Variants in MANBA observed in about 807,000 individuals in gnomAD.
The protein encoded by MANBA is beta-mannosidase.
Under a neutral mutation model 111.1 loss-of-function variants are expected in MANBA, and 83 were observed. The ratio of observed to expected loss-of-function variants is 0.75; its 90% confidence interval spans 0.63 to 0.90. The LOEUF (loss-of-function observed/expected upper bound fraction) is 0.90, where lower values mean the gene tolerates loss of function less well. Among genes scored for constraint, MANBA ranks in the 40% least tolerant of loss-of-function variants. The pLI is 0.00. For synonymous variants in MANBA, 370 were observed against 378.7 expected, an observed-to-expected ratio of 0.98 and a Z score of 0.27; for missense variants, 1,036 against 1,069.0, an observed-to-expected ratio of 0.97 and a Z score of 0.43.
At chr4:102,643,176 C>T (rs1461444140) in intron 13 of MANBA, among the ~76,000 whole-genome samples, 1 of 152,156 alleles carries the variant, frequency 6.6e-6, no homozygotes. Flanking sequence ...CTGGGATTTG[C>T]CTATTCCGGA....
intron 1 of MANBA, among the ~76,000 whole-genome samples, chr4:102,735,511 G>C (rs1239636460): frequency 1.0e-5 from 1 of 98,972 alleles, no homozygotes; most frequent in Non-Finnish European, 2.0e-5. Flanking sequence ...CTCTTACTAA[G>C]AGAAAATACC....
At chr4:102,643,583 T>G (rs868693619) in intron 13 of MANBA, among the ~76,000 whole-genome samples, 15 of 152,192 alleles carry the variant, frequency 9.9e-5, no homozygotes, top group African/African-American at 3.6e-4. Flanking sequence ...TTTTAAAAAT[T>G]TGTAGATATT....
intron 7 of MANBA, among the ~76,000 whole-genome samples, chr4:102,674,936 T>C (rs1488223114): frequency 6.6e-6 from 1 of 152,210 alleles, no homozygotes; most frequent in Non-Finnish European, 1.5e-5. Flanking sequence ...AATAAAAGTG[T>C]CCACCATTCT....
chr4:102,708,254 C>CA (rs1036225776), intron 5 of MANBA, among the ~76,000 whole-genome samples: 4 of 151,842 alleles, frequency 2.6e-5, no homozygotes, highest in Non-Finnish European at 1.5e-5. Flanking sequence ...ATATGTTAGG[C>CA]AAAAAAATGA....
In MANBA at chr4:102,745,449, C is replaced by G. The variant is rs139375092; in HGVS notation, c.177+15269G>C. 5.0e-3 allele frequency among the ~76,000 whole-genome samples: 763 copies of G among 152,260 alleles called. 3 individuals are homozygous for G. The highest frequency in any genetic ancestry group is 6.9e-3 in the Non-Finnish European group (466 of 68,016). On this transcript the variant is annotated intron_variant, in intron 1 of 16. Transcript: ENST00000647097. ...TTCAGAGATGCAGTTGCCGCCATCA[C>G]AAATCCATTTCGCAAAGCGTTGGTC...
intron 1 of MANBA, chr4:102,730,277 T>C: frequency 1.8e-6 from 1 of 556,022 alleles, no homozygotes; most frequent in South Asian, 2.5e-5. Flanking sequence ...ACATATCGTC[T>C]CATGACCGGA....
intron 7 of MANBA, among the ~76,000 whole-genome samples, chr4:102,686,421 A>G (rs909736104): frequency 6.6e-6 from 1 of 152,172 alleles, no homozygotes; most frequent in Non-Finnish European, 1.5e-5. Context: ...TGTGAAGCCA[A>G]TCTGATCCCA....
At chr4:102,669,397 G>A (rs1025198397) in intron 9 of MANBA, among the ~76,000 whole-genome samples, 1 of 152,138 alleles carries the variant, frequency 6.6e-6, no homozygotes, top group African/African-American at 2.4e-5. Flanking sequence ...TTTTCACCAG[G>A]CATTTGGTAT....
intron 5 of MANBA, among the ~76,000 whole-genome samples, chr4:102,703,683 C>G (rs1183029858): frequency 6.6e-6 from 1 of 152,154 alleles, no homozygotes; most frequent in African/African-American, 2.4e-5. Context: ...GTTCTGCCAT[C>G]CCACTCAGGA....
chr4:102,735,299 T>A (rs1003887808), intron 1 of MANBA, among the ~76,000 whole-genome samples: 18 of 152,026 alleles, frequency 1.2e-4, no homozygotes, highest in African/African-American at 4.4e-4. Context: ...GGGAGGCTCA[T>A]CAATTTCAGA....
At chr4:102,674,358 T>C (rs1286976462) in intron 7 of MANBA, among the ~76,000 whole-genome samples, 1 of 152,126 alleles carries the variant, frequency 6.6e-6, no homozygotes, top group Non-Finnish European at 1.5e-5. Flanking sequence ...AAAAGACAAT[T>C]TGAAGATAAC....
chr4:102,712,517 C>T (rs529565241), intron 5 of MANBA, among the ~76,000 whole-genome samples: 2 of 143,594 alleles, frequency 1.4e-5, no homozygotes, highest in South Asian at 2.1e-4. Context: ...TTTGCTAAAT[C>T]GGACCACTTT....
intron 7 of MANBA, 136 bp from the exon 8 acceptor site, chr4:102,674,206 A>T: frequency 4.6e-6 from 3 of 654,440 alleles, no homozygotes; most frequent in Non-Finnish European, 8.1e-6. Flanking sequence ...TGAAGCACAT[A>T]ATGTGGAAAT....
Position 102,632,187 on chromosome 4 carries a change from C to T in MANBA, c.2510G>A (p.Gly837Glu). 1 of 1,613,404 alleles carries T rather than the reference C, an allele frequency of 6.2e-7. No homozygotes were observed. The highest frequency in any genetic ancestry group is 1.1e-5 in the South Asian group (1 of 91,056). The part of the protein sequence containing the change: ...FVWLDVGSIP[G>E]RFSDNGFLMT... ...GAGGAAACCATTGTCACTAAATCTC[C>T]CTGGGATGCTTCCTACATCCAACCA... The change falls in exon 17 of 17, where the codon GGG (glycine) becomes GAG (glutamate). Residue 837 changes from glycine (G) to glutamate (E), a missense_variant. By Grantham distance (98) the Gly-to-Glu change is moderately conservative. Coordinates refer to ENST00000647097, the MANE Select transcript of MANBA (RefSeq NM_005908.4).
At chr4:102,676,168 G>A (rs1731718605) in intron 7 of MANBA, among the ~76,000 whole-genome samples, 2 of 152,080 alleles carry the variant, frequency 1.3e-5, no homozygotes, top group Non-Finnish European at 2.9e-5. Context: ...TTGACTTTAT[G>A]GATGTTAATA....
At position 102,740,404 on chromosome 4, in the gene MANBA, C is replaced by T. The variant is rs567104303; in HGVS notation, c.178-13721G>A. On this transcript the variant is annotated intron_variant, in intron 1 of 16. Transcript: ENST00000647097. ...TCTACAAATTCAACTCAATTCCCAT[C>T]AAAATACCATCATCATTCTTCACAG... Among the ~76,000 whole-genome samples the T allele has an allele frequency of 1.8e-3, 275 of 152,282 alleles. 11 individuals carry two copies. In the South Asian group the frequency reaches 0.053, roughly 29 times the overall value.
chr4:102,715,728 A>C (rs1722294235), intron 4 of MANBA, among the ~76,000 whole-genome samples: 1 of 152,154 alleles, frequency 6.6e-6, no homozygotes, highest in Non-Finnish European at 1.5e-5. Context: ...TGTTGTTTTA[A>C]GCTGATAAGT....
chr4:102,683,483 T>G (rs949147687), intron 7 of MANBA, among the ~76,000 whole-genome samples: 2 of 152,184 alleles, frequency 1.3e-5, no homozygotes, highest in African/African-American at 4.8e-5. Context: ...TGGTTTCCTG[T>G]TTTTCCATAA....
chr4:102,650,670 C>T lies in MANBA; in HGVS notation c.1736G>A (p.Ser579Asn), dbSNP rs1304717578. 6.2e-7 allele frequency: 1 copy of T among 1,613,366 alleles called. No individual in the cohort carries two copies. The highest frequency in any genetic ancestry group is 2.2e-5 in the East Asian group (1 of 44,856). The stretch of plus-strand genomic sequence containing the variant: ...ATGTTGTCGATGAAGTGAAAACTTG[C>T]TATTGAAAGACCAGTCCTCTGTAGA... ...VSSTEDWSFN[S>N]KFSLHRQHHE... is the part of the protein sequence containing the mutation. The change falls in exon 13 of 17, where the codon AGC (serine) becomes AAC (asparagine). Residue 579 changes from serine (S) to asparagine (N), a missense_variant. By Grantham distance (46) the Ser-to-Asn change is conservative. Coordinates refer to ENST00000647097, the MANE Select transcript of MANBA (RefSeq NM_005908.4).
Sources: gnomAD v4.1 joint callset for allele counts (sites outside exome capture counted in the v4.1 genomes callset) on GRCh38, gnomAD v4.1.1 for gene constraint, MANE v1.5 for transcripts, NCBI Gene and HGNC (gene_info 2026-07-23, HGNC 2026-07-21) for gene names.